Variants in MID1 observed in about 807,000 individuals in gnomAD.
The protein encoded by MID1 is midline 1.
MID1 carries 7 observed loss-of-function variants against 40.4 expected under a neutral mutation model. The ratio of observed to expected loss-of-function variants is 0.17; its 90% CI spans 0.10 to 0.33. MID1 has a LOEUF of 0.33. Ranked by LOEUF, MID1 falls within the 10% of genes least tolerant of loss-of-function variation. MID1 has a pLI of 1.00. For synonymous variants in MID1, 229 were observed against 221.2 expected, an observed-to-expected ratio of 1.04 and a Z score of -0.31; for missense variants, 367 against 558.5, an observed-to-expected ratio of 0.66 and a Z score of 3.46.
At chrX:10,503,660 G>A (rs772203972) in intron 3 of MID1, among the ~76,000 whole-genome samples, 22 of 112,183 alleles carry the variant, frequency 2.0e-4, no homozygotes, top group Non-Finnish European at 1.3e-4. Flanking sequence ...GCATAGTGAC[G>A]TAGTGGAAAA....
chrX:10,685,481 T>C (rs960918659), intron 1 of MID1, among the ~76,000 whole-genome samples: 8 of 111,851 alleles, frequency 7.2e-5, no homozygotes, highest in African/African-American at 1.9e-4. Context: ...AAACTGGCCA[T>C]AACGAAATTC....
chrX:10,824,439 A>T (rs1404376521), intron 1 of MID1, among the ~76,000 whole-genome samples: 1 of 111,879 alleles, frequency 8.9e-6, no homozygotes, highest in Non-Finnish European at 1.9e-5. Flanking sequence ...GACAAGGTGA[A>T]CTCATTTTCT....
At chrX:10,785,604 G>A (rs2043876808) in intron 1 of MID1, among the ~76,000 whole-genome samples, 1 of 111,214 alleles carries the variant, frequency 9.0e-6, no homozygotes, top group Non-Finnish European at 1.9e-5. Flanking sequence ...GCATGGTACT[G>A]GTACCAAAAC....
At chrX:10,529,638 C>T (rs1023671255) in intron 2 of MID1, among the ~76,000 whole-genome samples, 2 of 111,621 alleles carry the variant, frequency 1.8e-5, no homozygotes, top group Non-Finnish European at 3.8e-5. Context: ...TGTGCTCCTG[C>T]CATTGTGAAC....
At position 10,685,877 on chromosome X, in the gene MID1, T is replaced by TACACACACACAC. The variant is rs56245034; in HGVS notation, c.-186-65470_-186-65459dup. On this transcript the variant is annotated intron_variant, in intron 1 of 10. Transcript: ENST00000380785. The stretch of plus-strand genomic sequence containing the variant: ...TCGGCCCCTACACCCCACATACTCA[T>TACACACACACAC]ACACACACACACACACACACACACA... Among the ~76,000 whole-genome samples the TACACACACACAC allele has an allele frequency of 5.1e-3, 413 of 80,482 alleles. 3 individuals are homozygous for TACACACACACAC. The highest frequency in any genetic ancestry group is 0.019 in the African/African-American group (386 of 20,798). The allele number at this position is 80,482 out of a possible 115,157, so 69.9% of individuals were successfully genotyped here. A position where few individuals can be genotyped will look rare whatever the true frequency, so the allele number is the denominator to read the frequency against.
chrX:10,545,816 T>C (rs891612838), intron 2 of MID1, among the ~76,000 whole-genome samples: 15 of 112,027 alleles, frequency 1.3e-4, no homozygotes, highest in African/African-American at 4.9e-4. Context: ...TGGTTTGTTT[T>C]ATTGCTTTTT....
At position 10,814,614 on chromosome X, in the gene MID1, A is replaced by AGT. The variant is rs201769807; in HGVS notation, c.-187+18938_-187+18939dup. Among the ~76,000 whole-genome samples the AGT allele has an allele frequency of 9.4e-3, 1,011 of 107,114 alleles. 10 individuals are homozygous for AGT. Among genetic ancestry groups the AGT allele is most frequent in the African/African-American group, 0.032 (949 of 29,241 alleles). 93.0% of individuals were successfully genotyped at this position (107,114 alleles called of 115,157 possible). ...GTGTGTGTGTGTGCGTGTGTGCATA[A>AGT]GTGTGTGTGTGCGCATGCATGCACA... On this transcript the variant is annotated intron_variant, in intron 1 of 10. Coordinates refer to the MID1 transcript ENST00000380785.
chrX:10,828,796 C>T (rs756501982), intron 1 of MID1, among the ~76,000 whole-genome samples: 27 of 112,511 alleles, frequency 2.4e-4, no homozygotes, highest in African/African-American at 8.0e-4. Flanking sequence ...GTTTACTTGA[C>T]GATGTGCCTA....
chrX:10,605,968 G>A (rs1935617744), intron 1 of MID1, among the ~76,000 whole-genome samples: 1 of 111,061 alleles, frequency 9.0e-6, no homozygotes, highest in Admixed American at 9.7e-5. Context: ...GCGTTCCCGG[G>A]AGATTCATAT....
chrX:10,553,505 T>G (rs1050116412), intron 2 of MID1, among the ~76,000 whole-genome samples: 6 of 111,740 alleles, frequency 5.4e-5, no homozygotes, highest in African/African-American at 1.6e-4. Context: ...TAACTAAATA[T>G]GAATATTAAC....
At chrX:10,829,112 T>C (rs1602602679) in intron 1 of MID1, among the ~76,000 whole-genome samples, 1 of 112,232 alleles carries the variant, frequency 8.9e-6, no homozygotes, top group Admixed American at 9.4e-5. Flanking sequence ...GTAGTTTATA[T>C]GCTGTTTTGT....
chrX:10,668,419 C>T (rs923316345), intron 1 of MID1, among the ~76,000 whole-genome samples: 1 of 111,986 alleles, frequency 8.9e-6, no homozygotes, highest in Non-Finnish European at 1.9e-5. Flanking sequence ...CTATTATGTT[C>T]CAATTATGTT....
intron 7 of MID1, among the ~76,000 whole-genome samples, chrX:10,467,347 A>T: frequency 8.9e-6 from 1 of 112,191 alleles, no homozygotes; most frequent in Middle Eastern, 4.6e-3. Context: ...AGAATTCAAA[A>T]TCCTAGAAGG....
chrX:10,459,571 A>G, intron 8 of MID1, 75 bp downstream of exon 8: 1 of 1,099,404 alleles, frequency 9.1e-7, no homozygotes, highest in Non-Finnish European at 1.3e-6. Context: ...GAGAAAAGGA[A>G]AAGAAAGGGG....
intron 1 of MID1, among the ~76,000 whole-genome samples, chrX:10,693,272 G>C (rs1486582104): frequency 9.8e-6 from 1 of 101,806 alleles, no homozygotes; most frequent in Non-Finnish European, 2.0e-5. Context: ...ATGGCTCACT[G>C]CAGCCTCGAC....
At chrX:10,498,701 G>A (rs1931388272) in intron 3 of MID1, among the ~76,000 whole-genome samples, 1 of 111,941 alleles carries the variant, frequency 8.9e-6, no homozygotes, top group African/African-American at 3.3e-5. Context: ...TCATATAAAT[G>A]GAATCAAATA....
At chrX:10,555,176 C>T (rs1002429464) in intron 2 of MID1, among the ~76,000 whole-genome samples, 3 of 111,528 alleles carry the variant, frequency 2.7e-5, no homozygotes, top group Admixed American at 9.6e-5. Context: ...CAGTCCAGCC[C>T]GCGAACAGTA....
At chrX:10,630,008 TGCCAGAACGGTCATAG>T (rs1436841518) in intron 1 of MID1, among the ~76,000 whole-genome samples, 4 of 112,142 alleles carry the variant, frequency 3.6e-5, no homozygotes, top group Non-Finnish European at 1.9e-5. Context: ...ACCTTCTTTA[TGCCAGAACGGTCATAG>T]GTATTCAGTA....
chrX:10,491,911 G>A (rs1930973304), intron 4 of MID1, among the ~76,000 whole-genome samples: 1 of 111,295 alleles, frequency 9.0e-6, no homozygotes, highest in African/African-American at 3.3e-5. Flanking sequence ...AAACTCAGTC[G>A]GCATTTGTCA....
Sources: allele counts gnomAD v4.1 joint callset (sites outside exome capture counted in the v4.1 genomes callset), GRCh38; gene constraint gnomAD v4.1.1; transcripts MANE v1.5; gene names NCBI Gene and HGNC (gene_info 2026-07-23, HGNC 2026-07-21).